Variants in ZMYND8 observed in about 807,000 individuals in gnomAD.
The protein encoded by ZMYND8 is MYND-type zinc finger-containing chromatin reader ZMYND8.
ZMYND8 carries 37 observed loss-of-function variants against 140.8 expected under a neutral mutation model. The ratio of observed to expected loss-of-function variants is 0.26; its 90% CI spans 0.20 to 0.35. ZMYND8 has a LOEUF of 0.35. Among genes scored for constraint, ZMYND8 ranks in the 10% least tolerant of loss-of-function variants. The pLI is 1.00. For synonymous variants in ZMYND8, 592 were observed against 597.1 expected (o/e 0.99, Z 0.12); for missense variants, 1,068 against 1,570.0 (o/e 0.68, Z 5.40).
At chr20:47,259,802 C>T (rs1290961736) in intron 12 of ZMYND8, among the ~76,000 whole-genome samples, 2 of 152,248 alleles carry the variant, frequency 1.3e-5, no homozygotes, top group South Asian at 4.1e-4. Context: ...GGATGTTTAG[C>T]GCAACTCTGG....
chr20:47,260,276 G>T (rs944590753), intron 12 of ZMYND8, among the ~76,000 whole-genome samples: 8 of 152,110 alleles, frequency 5.3e-5, no homozygotes, highest in African/African-American at 1.9e-4. Flanking sequence ...TGACTGATAT[G>T]GACTATTTGA....
intron 2 of ZMYND8, among the ~76,000 whole-genome samples, chr20:47,331,044 AGAGAGAAGTGGAACACG>A (rs1030084400): frequency 4.6e-5 from 7 of 152,178 alleles, no homozygotes; most frequent in Non-Finnish European, 1.0e-4. Flanking sequence ...TGGCTGGAGA[AGAGAGAAGTGGAACACG>A]GAGAGAAGTG....
intron 12 of ZMYND8, among the ~76,000 whole-genome samples, chr20:47,258,162 T>C (rs796940333): frequency 6.6e-5 from 10 of 152,340 alleles, no homozygotes; most frequent in African/African-American, 2.4e-4. Context: ...TTTACAAATT[T>C]CAAAACTTCA....
intron 21 of ZMYND8, among the ~76,000 whole-genome samples, chr20:47,213,477 G>T (rs951515334): frequency 6.6e-6 from 1 of 152,214 alleles, no homozygotes; most frequent in South Asian, 2.1e-4. Flanking sequence ...AATCATACAA[G>T]AAAGAATTGT....
chr20:47,266,747 C>A (rs762717352), intron 11 of ZMYND8, among the ~76,000 whole-genome samples: 3 of 152,228 alleles, frequency 2.0e-5, no homozygotes, highest in East Asian at 1.9e-4. Context: ...TGGCCCCCAA[C>A]GGGGCAAAAA....
chr20:47,324,412 G>A (rs911201707), intron 2 of ZMYND8, among the ~76,000 whole-genome samples: 3 of 151,888 alleles, frequency 2.0e-5, no homozygotes, highest in East Asian at 1.9e-4. Context: ...CCACCTACTC[G>A]GGAGGCTGAG....
chr20:47,319,138 T>C, intron 2 of ZMYND8: 1 of 943,306 alleles, frequency 1.1e-6, no homozygotes, highest in South Asian at 1.4e-5. Flanking sequence ...CTTGTACGCA[T>C]TAGGTCGCCC....
intron 2 of ZMYND8, among the ~76,000 whole-genome samples, chr20:47,328,769 C>T (rs1369601909): frequency 1.3e-5 from 2 of 152,164 alleles, no homozygotes; most frequent in Non-Finnish European, 1.5e-5. Flanking sequence ...AGTTAGTTTC[C>T]AGTTCTTGGA....
chr20:47,257,084 A>G (rs2074791882), intron 12 of ZMYND8, among the ~76,000 whole-genome samples: 1 of 152,154 alleles, frequency 6.6e-6, no homozygotes, highest in Non-Finnish European at 1.5e-5. Flanking sequence ...ACTTATTTAT[A>G]ATCACTGCTG....
chr20:47,303,784 G>C (rs1054416912), intron 3 of ZMYND8, among the ~76,000 whole-genome samples: 2 of 151,960 alleles, frequency 1.3e-5, no homozygotes, highest in South Asian at 4.1e-4. Context: ...TAGTAGCCGA[G>C]GTACTGATCC....
chr20:47,249,992 G>C (rs2074036676), intron 12 of ZMYND8, among the ~76,000 whole-genome samples: 1 of 152,134 alleles, frequency 6.6e-6, no homozygotes, highest in South Asian at 2.1e-4. Context: ...AAAGGGCAGG[G>C]AATATAAGAT....
At chr20:47,311,165 G>A (rs146811271) in intron 2 of ZMYND8, among the ~76,000 whole-genome samples, 276 of 152,168 alleles carry the variant, frequency 1.8e-3, no homozygotes, top group Non-Finnish European at 3.4e-3. Context: ...CCCACCCACC[G>A]GGAAGTTCCC....
At chr20:47,310,016 G>A (rs879920837) in intron 3 of ZMYND8, 40 bp downstream of exon 3, 1 of 1,613,564 alleles carries the variant, frequency 6.2e-7, no homozygotes, top group Non-Finnish European at 8.5e-7. Context: ...GCTGGCCTCT[G>A]TCCCACCAGT....
intron 12 of ZMYND8, among the ~76,000 whole-genome samples, chr20:47,261,567 TCA>T (rs2075156531): frequency 1.3e-5 from 2 of 151,076 alleles, no homozygotes; most frequent in Non-Finnish European, 3.0e-5. Flanking sequence ...ATCATCATCA[TCA>T]TCATCATCAT....
intron 16 of ZMYND8, among the ~76,000 whole-genome samples, chr20:47,235,692 G>A (rs1439069689): frequency 6.7e-6 from 1 of 149,994 alleles, no homozygotes; most frequent in African/African-American, 2.5e-5. Flanking sequence ...GGGGAACAGA[G>A]TGAGACTCCA....
At chr20:47,328,509 G>C (rs575500998) in intron 2 of ZMYND8, among the ~76,000 whole-genome samples, 1 of 151,914 alleles carries the variant, frequency 6.6e-6, no homozygotes, top group African/African-American at 2.4e-5. Context: ...TGTTGTCCAA[G>C]CTGGAGTGCA....
intron 11 of ZMYND8, among the ~76,000 whole-genome samples, chr20:47,264,380 G>A (rs1398642963): frequency 1.3e-5 from 2 of 152,080 alleles, no homozygotes; most frequent in Admixed American, 6.5e-5. Flanking sequence ...GGATTCAAGC[G>A]ATTCTCCTGC....
chr20:47,232,876 A>AC (rs1268025150), intron 16 of ZMYND8, among the ~76,000 whole-genome samples: 1 of 145,544 alleles, frequency 6.9e-6, no homozygotes, highest in African/African-American at 2.6e-5. Flanking sequence ...TTTCATGACA[A>AC]CCTCCCCCAT....
In ZMYND8 at chr20:47,298,201, A is replaced by C; in HGVS notation, c.453+528T>G. The C allele has an allele frequency of 1.1e-6, 1 of 898,778 alleles. No homozygotes were observed. Among genetic ancestry groups the C allele is most frequent in the Non-Finnish European group, 1.3e-6 (1 of 751,042 alleles). The allele number at this position is 898,778 out of a possible 1,614,324, so 55.7% of individuals were successfully genotyped here. ...TCTGCTGGAAAAAAAAAAATGATCC[A>C]TGCCTGTTTTTGTGCACTGTCGAAT... On this transcript the variant is annotated intron_variant, in intron 4 of 22. Coordinates refer to ENST00000471951, the MANE Select transcript of ZMYND8 (RefSeq NM_001281775.3). This position sits in a 1 kb window ranked among gnomAD's most constrained non-coding sequence, Gnocchi z 5.0.
Sources: gnomAD v4.1 joint callset for allele counts (sites outside exome capture counted in the v4.1 genomes callset) on GRCh38, gnomAD v4.1.1 for gene constraint, Gnocchi (gnomAD v3.1) non-coding constraint, MANE v1.5 for transcripts, NCBI Gene and HGNC (gene_info 2026-07-23, HGNC 2026-07-21) for gene names.